Variants in CNTN1 observed in about 807,000 individuals in gnomAD.
CNTN1 encodes contactin 1.
A neutral mutation model predicts 126.4 loss-of-function variants in CNTN1; 38 were observed. The observed-to-expected ratio is 0.30, with a 90% CI of 0.23 to 0.39. CNTN1 has a LOEUF of 0.39. Among genes scored for constraint, CNTN1 ranks in the 10% least tolerant of loss-of-function variants. The pLI is 1.00. For synonymous variants in CNTN1, 413 were observed against 422.6 expected, an observed-to-expected ratio of 0.98 and a Z score of 0.28; for missense variants, 1,009 against 1,248.4, an observed-to-expected ratio of 0.81 and a Z score of 2.89.
rs879685468 is a variant in CNTN1, at chr12:40,989,432, T to C, written c.1964-3688T>C. 8.5e-5 allele frequency among the ~76,000 whole-genome samples: 13 copies of C among 152,272 alleles called. 1 individual carries two copies. Among genetic ancestry groups the C allele is most frequent in the Admixed American group, 2.0e-4 (3 of 15,286 alleles). ...GGGAAAGGAAGAGGCCTTAAGAAGA[T>C]AGAGTAGTACTATCTGCTTTAGACA... On this transcript the variant is annotated intron_variant, in intron 16 of 23. Transcript: ENST00000551295.
At chr12:40,942,038 G>C (rs1418985882) in intron 12 of CNTN1, among the ~76,000 whole-genome samples, 2 of 152,034 alleles carry the variant, frequency 1.3e-5, no homozygotes, top group African/African-American at 2.4e-5. Flanking sequence ...ACTAACATAA[G>C]TAAGCTAAAA....
intron 17 of CNTN1, among the ~76,000 whole-genome samples, chr12:41,006,916 G>A (rs1173871449): frequency 6.6e-6 from 1 of 152,158 alleles, no homozygotes; most frequent in Non-Finnish European, 1.5e-5. Flanking sequence ...TACAAGGCCA[G>A]TTAGGTGCTA....
chr12:40,947,450 T>G (rs1946470998), intron 14 of CNTN1, among the ~76,000 whole-genome samples: 1 of 152,118 alleles, frequency 6.6e-6, no homozygotes, highest in Admixed American at 6.6e-5. Flanking sequence ...GGCTTTCTAA[T>G]TCAATAGCTA....
intron 1 of CNTN1, among the ~76,000 whole-genome samples, chr12:40,884,680 T>C (rs1943972527): frequency 6.6e-6 from 1 of 151,538 alleles, no homozygotes; most frequent in Non-Finnish European, 1.5e-5. Context: ...AGTTGCATTT[T>C]TTATTCATAT....
chr12:40,788,725 A>G (rs1375023682), intron 1 of CNTN1, among the ~76,000 whole-genome samples: 2 of 152,092 alleles, frequency 1.3e-5, no homozygotes, highest in Non-Finnish European at 2.9e-5. Flanking sequence ...AGGGAAATAG[A>G]TACCTCCTAG....
At chr12:40,734,442 C>T (rs1942570850) in intron 1 of CNTN1, among the ~76,000 whole-genome samples, 1 of 152,000 alleles carries the variant, frequency 6.6e-6, no homozygotes, top group African/African-American at 2.4e-5. Flanking sequence ...GAGCAAGACC[C>T]TGAAAAGGCA....
intron 1 of CNTN1, among the ~76,000 whole-genome samples, chr12:40,881,461 A>T (rs1943867454): frequency 6.6e-6 from 1 of 152,000 alleles, no homozygotes; most frequent in South Asian, 2.1e-4. Context: ...CTATGGCCAG[A>T]GGTTCCTAAA....
rs193296961 is a variant in CNTN1 at position 40,917,682 on chromosome 12, A to G, written c.95-957A>G. Among the ~76,000 whole-genome samples, 38 of 152,262 alleles carry G rather than the reference A, an allele frequency of 2.5e-4. No individual in the cohort carries two copies. In the East Asian group the frequency reaches 7.1e-3, roughly 29 times the overall value. On this transcript the variant is annotated intron_variant, in intron 3 of 23. Transcript: ENST00000551295. ...GAATATTCGTTCTTTCTAGCCACAC[A>G]GATGATTATTAATTCATTTGAGGCA...
intron 1 of CNTN1, among the ~76,000 whole-genome samples, chr12:40,834,414 G>A (rs1441074309): frequency 6.6e-6 from 1 of 152,146 alleles, no homozygotes. Flanking sequence ...TGATGGCTTA[G>A]GTTGGGAATA....
At chr12:40,837,890 G>T (rs1195831724) in intron 1 of CNTN1, among the ~76,000 whole-genome samples, 1 of 152,130 alleles carries the variant, frequency 6.6e-6, no homozygotes, top group Non-Finnish European at 1.5e-5. Flanking sequence ...CTAGGCTCAG[G>T]CTACCACTGG....
At chr12:40,787,728 A>AT (rs201069381) in intron 1 of CNTN1, among the ~76,000 whole-genome samples, 216 of 152,198 alleles carry the variant, frequency 1.4e-3, no homozygotes, top group South Asian at 9.3e-3. Context: ...CATAAGCTTT[A>AT]TTTTTTCCCA....
intron 1 of CNTN1, among the ~76,000 whole-genome samples, chr12:40,711,679 C>T (rs1591998959): frequency 7.1e-6 from 1 of 140,726 alleles, no homozygotes; most frequent in East Asian, 1.9e-4. Context: ...GTTTCTTCTC[C>T]TCCTCCTCCT....
intron 13 of CNTN1, 116 bp downstream of exon 13, chr12:40,943,840 A>C: frequency 7.0e-7 from 1 of 1,430,860 alleles, no homozygotes; most frequent in Non-Finnish European, 9.6e-7. Context: ...ATTTCAGGCA[A>C]GTTTCTTGCT....
intron 1 of CNTN1, among the ~76,000 whole-genome samples, chr12:40,889,726 G>A (rs17620896): frequency 0.021 from 3,189 of 152,224 alleles, 34 homozygotes; most frequent in Middle Eastern, 0.031. Context: ...GGCAGTGATC[G>A]TGGCAGTTTA....
intron 15 of CNTN1, among the ~76,000 whole-genome samples, chr12:40,965,998 C>CCACA (rs57532764): frequency 0.098 from 13,351 of 136,142 alleles, 701 homozygotes; most frequent in Non-Finnish European, 0.12. Context: ...CCTCATCACA[C>CCACA]CACACACACA....
rs192351554 is a variant in CNTN1 at position 40,936,678 on chromosome 12, T to C, written c.986-103T>C. 342 of 1,414,362 alleles carry C rather than the reference T, an allele frequency of 2.4e-4. 2 individuals carry two copies. In the African/African-American group the frequency reaches 3.8e-3, roughly 16 times the overall value. The allele number at this position is 1,414,362 out of a possible 1,614,324, so 87.6% of individuals were successfully genotyped here. On this transcript the variant is annotated intron_variant, in intron 9 of 23. Transcript: ENST00000551295. ...TTCAGGATGCATACACTATCTGATGTATTCTGCAGAATTAGGTTAACTAAA... is the reference window on the plus strand; with the variant it reads ...TTCAGGATGCATACACTATCTGATGCATTCTGCAGAATTAGGTTAACTAAA...
intron 15 of CNTN1, among the ~76,000 whole-genome samples, chr12:40,969,994 C>T (rs532470111): frequency 2.0e-5 from 3 of 152,284 alleles, no homozygotes; most frequent in African/African-American, 4.8e-5. Context: ...CTCTTAGCGA[C>T]TCTCAATAAT....
intron 1 of CNTN1, among the ~76,000 whole-genome samples, chr12:40,813,978 C>T (rs568615882): frequency 6.6e-6 from 1 of 151,934 alleles, no homozygotes; most frequent in Non-Finnish European, 1.5e-5. Context: ...TGTTTGTTGG[C>T]CGTGTAAATG....
intron 10 of CNTN1, among the ~76,000 whole-genome samples, chr12:40,937,189 T>G (rs1041103295): frequency 2.6e-5 from 4 of 152,042 alleles, no homozygotes; most frequent in African/African-American, 9.7e-5. Flanking sequence ...ATACCTGATA[T>G]TGTCCTCTTT....
Sources: allele counts gnomAD v4.1 joint callset (sites outside exome capture counted in the v4.1 genomes callset), GRCh38; gene constraint gnomAD v4.1.1; transcripts MANE v1.5; gene names NCBI Gene and HGNC (gene_info 2026-07-23, HGNC 2026-07-21).